Variants in BIRC6 observed in about 807,000 individuals in gnomAD.
BIRC6 encodes the protein dual E2 ubiquitin-conjugating enzyme/E3 ubiquitin-protein ligase BIRC6.
A neutral mutation model predicts 503.3 loss-of-function variants in BIRC6; 98 were observed. The ratio of observed to expected loss-of-function variants is 0.19; its 90% CI spans 0.17 to 0.23. The LOEUF (loss-of-function observed/expected upper bound fraction) is 0.23. Among genes scored for constraint, BIRC6 ranks in the 10% least tolerant of loss-of-function variants. The pLI is 1.00. For synonymous variants in BIRC6, 2,240 were observed against 2,078.7 expected (o/e 1.08, Z -2.11); for missense variants, 5,360 against 5,806.0 (o/e 0.92, Z 2.50).
rs1233965004 is a variant in BIRC6, at chr2:32,442,450, C to T, written c.4233C>T (p.Cys1411=). The change falls in exon 19 of 74, where the codon TGC becomes TGT. Residue 1411 remains cysteine, a synonymous_variant. Transcript: ENST00000421745. ...AHKCARFLAL[C]ISNGKCDPCQ... ...AGTGTGCCCGATTTCTAGCCTTGTG[C>T]ATTAGGTTGGTATGTTTTTAAGTTG... 8 of 1,601,016 alleles carry T rather than the reference C, an allele frequency of 5.0e-6. No individual in the cohort carries two copies. The East Asian group carries it at 1.3e-4, about 27-fold the overall frequency.
At chr2:32,444,151 T>C (rs973207197) in intron 20 of BIRC6, among the ~76,000 whole-genome samples, 1 of 151,890 alleles carries the variant, frequency 6.6e-6, no homozygotes, top group African/African-American at 2.4e-5. Flanking sequence ...TGAGTGGGAT[T>C]TGAAGAGAGG....
intron 3 of BIRC6, among the ~76,000 whole-genome samples, chr2:32,384,180 G>A (rs992793947): frequency 6.6e-6 from 1 of 152,200 alleles, no homozygotes; most frequent in Non-Finnish European, 1.5e-5. Context: ...AAATATAATA[G>A]TGGGCATGCC....
rs534267720 is a variant in BIRC6 at position 32,582,151 on chromosome 2, G to A, written c.13355+6785G>A. ...TGGGATTACAGGTGTGAGCCACCGCGCCCGGCCTGATCTATAATTTAGATG... is the reference window on the plus strand; with the variant it reads ...TGGGATTACAGGTGTGAGCCACCGCACCCGGCCTGATCTATAATTTAGATG... On this transcript the variant is annotated intron_variant, in intron 66 of 73. Coordinates refer to ENST00000421745, the MANE Select transcript of BIRC6 (RefSeq NM_016252.4). Among the ~76,000 whole-genome samples, 13 of 152,058 alleles carry A rather than the reference G, an allele frequency of 8.5e-5. No homozygotes were observed. The East Asian group carries it at 1.6e-3, about 18-fold the overall frequency.
chr2:32,617,698 T>C, intron 73 of BIRC6, 27 bp from the exon 74 acceptor site: 1 of 1,604,104 alleles, frequency 6.2e-7, no homozygotes, highest in Non-Finnish European at 8.5e-7. Flanking sequence ...TTTGCAGTTC[T>C]AACATTAGTC....
chr2:32,445,464 C>T, intron 20 of BIRC6, 57 bp from the exon 21 acceptor site: 2 of 1,404,946 alleles, frequency 1.4e-6, no homozygotes, highest in Non-Finnish European at 9.5e-7. Flanking sequence ...CTTAAATTCT[C>T]ATTGTTAGAG....
intron 12 of BIRC6, among the ~76,000 whole-genome samples, chr2:32,433,098 A>G (rs531261900): frequency 1.2e-4 from 18 of 152,318 alleles, no homozygotes; most frequent in Admixed American, 3.9e-4. Flanking sequence ...GATAGCTTTC[A>G]GGTTTTGGCC....
At chr2:32,588,623 G>C (rs2061213758) in intron 66 of BIRC6, among the ~76,000 whole-genome samples, 1 of 152,056 alleles carries the variant, frequency 6.6e-6, no homozygotes, top group South Asian at 2.1e-4. Flanking sequence ...GATTTATGCA[G>C]CAGTACTTGA....
At chr2:32,460,197 T>A in intron 23 of BIRC6, among the ~76,000 whole-genome samples, 1 of 138,122 alleles carries the variant, frequency 7.2e-6, no homozygotes, top group Admixed American at 7.6e-5. Flanking sequence ...ATATGTGATA[T>A]ATATCATATA....
In BIRC6 at chr2:32,499,766, C is replaced by T. The variant is rs1241855511; in HGVS notation, c.8688C>T (p.Leu2896=). The change falls in exon 46 of 74, where the codon CTC becomes CTT. Residue 2896 remains leucine, a synonymous_variant. Transcript: ENST00000421745. ...GTGCTCGAGCATGCTTTGGGGGACT[C>T]TTTGCCAATCTTATTCGTCCGGGTG... ...SVGARACFGG[L]FANLIRPGDA... is the part of the protein sequence containing the mutation. 2.5e-6 allele frequency: 4 copies of T among 1,613,990 alleles called. No homozygotes were observed. The South Asian group carries it at 4.4e-5, about 18-fold the overall frequency.
Position 32,415,443 on chromosome 2 carries a change from C to A in BIRC6, c.2152C>A (p.Gln718Lys), listed in dbSNP as rs1309581405. 2 of 1,613,982 alleles carry A rather than the reference C, an allele frequency of 1.2e-6. No individual in the cohort carries two copies. Among genetic ancestry groups the A allele is most frequent in the African/African-American group, 2.7e-5 (2 of 75,046 alleles). ...GTTTCCCAAGCCTGGGACTTTGGTT[C>A]AGTGCTTGAGGCTGCCAAAGTTTGC... ...SVFPKPGTLVQCLRLPKFAEE... is the reference protein window; with the variant it reads ...SVFPKPGTLVKCLRLPKFAEE... Residue 718 changes from glutamine (Q) to lysine (K), a missense_variant, in exon 10 of 74, where the codon CAG becomes AAG. Coordinates refer to ENST00000421745, the MANE Select transcript of BIRC6 (RefSeq NM_016252.4).
At chr2:32,507,868 C>G in intron 50 of BIRC6, 112 bp from the exon 51 acceptor site, 1 of 979,020 alleles carries the variant, frequency 1.0e-6, no homozygotes. Flanking sequence ...TTTCCTTTTA[C>G]AAGTTCATGA....
Position 32,499,932 on chromosome 2 carries a change from G to A in BIRC6, c.8854G>A (p.Asp2952Asn). 6.2e-7 allele frequency: 1 copy of A among 1,614,016 alleles called. No homozygotes were observed. The highest frequency in any genetic ancestry group is 8.5e-7 in the Non-Finnish European group (1 of 1,179,890). The change falls in exon 46 of 74, where the codon GAT (aspartate) becomes AAT (asparagine). Residue 2952 changes from aspartate (D) to asparagine (N), a missense_variant. Physicochemically the swap from Asp to Asn is conservative, Grantham distance 23 (BLOSUM62 1). Transcript: ENST00000421745. ...ARVSVTTNTT[D>N]SVSDEEKVSG... ...AGTGTCTGTGACCACAAATACAACA[G>A]ATAGTGTTTCAGATGAAGAAAAAGT...
At chr2:32,454,443 G>A (rs1461811164) in intron 23 of BIRC6, among the ~76,000 whole-genome samples, 1 of 151,428 alleles carries the variant, frequency 6.6e-6, no homozygotes, top group Non-Finnish European at 1.5e-5. Flanking sequence ...CCATCAATCA[G>A]TGGAAACTTG....
chr2:32,549,131 C>T (rs1300002707), intron 64 of BIRC6, 182 bp from the exon 65 acceptor site: 1 of 425,496 alleles, frequency 2.4e-6, no homozygotes, highest in Non-Finnish European at 4.1e-6. Flanking sequence ...AAGCAACACT[C>T]TCAGACAAAA....
rs2033244750 is a variant in BIRC6, at chr2:32,357,422, C to A, written c.261C>A (p.Ser87Arg). 1 of 1,549,838 alleles carries A rather than the reference C, an allele frequency of 6.5e-7. No homozygotes were observed. The highest frequency in any genetic ancestry group is 8.7e-7 in the Non-Finnish European group (1 of 1,146,818). The change falls in exon 1 of 74, where the codon AGC becomes AGA. Residue 87 changes from serine (S) to arginine (R), a missense_variant. Transcript: ENST00000421745. The surrounding 1 kb of genome is among the most constrained non-coding windows in gnomAD (Gnocchi z 4.9). ...TCAACGCCATCCTGGCCGTCACTAG[C>A]CGCGGGACCATCAAAGTCATCGACG... is the stretch of plus-strand genomic sequence containing the variant. ...PALNAILAVT[S>R]RGTIKVIDGT...
chr2:32,547,706 A>T, intron 63 of BIRC6, 144 bp from the exon 64 acceptor site: 1 of 661,566 alleles, frequency 1.5e-6, no homozygotes, highest in Non-Finnish European at 2.4e-6. Context: ...GCTGGGTCAT[A>T]CAGAAAATCT....
chr2:32,521,494 C>T (rs1405839297), intron 57 of BIRC6, among the ~76,000 whole-genome samples: 3 of 150,152 alleles, frequency 2.0e-5, no homozygotes, highest in East Asian at 3.9e-4. Context: ...TGTTTTGAGA[C>T]GGAGTCTCAC....
At chr2:32,395,647 C>A in intron 6 of BIRC6, 54 bp downstream of exon 6, 1 of 1,436,208 alleles carries the variant, frequency 7.0e-7, no homozygotes, top group Non-Finnish European at 9.7e-7. Flanking sequence ...GTAAATAATG[C>A]TTCTAAATTT....
chr2:32,436,820 T>C (rs1195939551), intron 15 of BIRC6, among the ~76,000 whole-genome samples: 2 of 150,208 alleles, frequency 1.3e-5, no homozygotes, highest in Admixed American at 1.3e-4. Flanking sequence ...CACCTTGGCC[T>C]CCCAAAGTGT....
Sources: gnomAD v4.1 joint callset for allele counts (sites outside exome capture counted in the v4.1 genomes callset) on GRCh38, gnomAD v4.1.1 for gene constraint, Gnocchi (gnomAD v3.1) non-coding constraint, MANE v1.5 for transcripts, NCBI Gene and HGNC (gene_info 2026-07-23, HGNC 2026-07-21) for gene names.